Variants in NRG1 observed in about 807,000 individuals in gnomAD.
The protein encoded by NRG1 is neuregulin 1.
NRG1 carries 18 observed loss-of-function variants against 63.8 expected under a neutral mutation model. The ratio of observed to expected loss-of-function variants is 0.28; its 90% CI spans 0.19 to 0.42. The LOEUF (loss-of-function observed/expected upper bound fraction) is 0.42, where lower values mean the gene tolerates loss of function less well. Among genes scored for constraint, NRG1 ranks in the 10% least tolerant of loss-of-function variants. The pLI is 1.00. For missense variants in NRG1, 762 were observed against 814.7 expected (o/e 0.94, Z 0.79); for synonymous variants, 302 against 301.3 (o/e 1.00, Z -0.02).
intron 1 of NRG1, among the ~76,000 whole-genome samples, chr8:31,883,285 T>A (rs1830487703): frequency 6.6e-6 from 1 of 152,124 alleles, no homozygotes; most frequent in Non-Finnish European, 1.5e-5. Flanking sequence ...ATTTACAAAT[T>A]AAGGTATGTA....
At chr8:32,067,174 C>A (rs1181342304) in intron 1 of NRG1, among the ~76,000 whole-genome samples, 7 of 152,134 alleles carry the variant, frequency 4.6e-5, no homozygotes. Context: ...ATTGAATACC[C>A]TTTATTTCCT....
At chr8:32,286,225 G>C (rs1853501866) in intron 1 of NRG1, among the ~76,000 whole-genome samples, 1 of 152,194 alleles carries the variant, frequency 6.6e-6, no homozygotes, top group African/African-American at 2.4e-5. Context: ...AAATTAAGTG[G>C]TTTGAAATAA....
intron 6 of NRG1, among the ~76,000 whole-genome samples, chr8:32,732,414 A>T (rs1823907186): frequency 6.6e-6 from 1 of 152,044 alleles, no homozygotes; most frequent in African/African-American, 2.4e-5. Flanking sequence ...GAAGATGTTG[A>T]TGTGATTTTT....
chr8:32,660,148 A>G (rs1029960252), intron 5 of NRG1, among the ~76,000 whole-genome samples: 1 of 152,116 alleles, frequency 6.6e-6, no homozygotes, highest in African/African-American at 2.4e-5. Context: ...AAAATCCAAA[A>G]CTTTTTGAGC....
At chr8:32,566,655 T>C (rs181072441) in intron 1 of NRG1, among the ~76,000 whole-genome samples, 1,690 of 152,298 alleles carry the variant, frequency 0.011, 19 homozygotes, top group Non-Finnish European at 0.017. Context: ...TAAGGTGATG[T>C]TTATTATATT....
intron 5 of NRG1, among the ~76,000 whole-genome samples, chr8:32,711,828 C>G (rs1223836208): frequency 1.3e-5 from 2 of 152,072 alleles, no homozygotes; most frequent in South Asian, 4.1e-4. Context: ...ATGTTTTACT[C>G]TCAGCTGTAT....
chr8:31,992,600 A>G lies in NRG1; in HGVS notation c.37+353169A>G, dbSNP rs544648278. Reference sequence around the variant, plus strand: ...CTGACTCCTACTTAAAATTAATTCGACTAGAAAGACTCATCTTTTTCTGAA... The same window carrying G: ...CTGACTCCTACTTAAAATTAATTCGGCTAGAAAGACTCATCTTTTTCTGAA... On this transcript the variant is annotated intron_variant, in intron 1 of 10. Coordinates refer to the NRG1 transcript ENST00000519301. 1.2e-4 allele frequency among the ~76,000 whole-genome samples: 18 copies of G among 152,170 alleles called. No individual in the cohort carries two copies. The South Asian group carries it at 3.7e-3, about 32-fold the overall frequency.
chr8:31,640,463 A>G lies in NRG1; in HGVS notation c.37+1032A>G, dbSNP rs1247254437. 4 of 1,581,692 alleles carry G rather than the reference A, an allele frequency of 2.5e-6. No individual in the cohort carries two copies. Among genetic ancestry groups the G allele is most frequent in the Admixed American group, 3.5e-5 (2 of 57,200 alleles). The stretch of plus-strand genomic sequence containing the variant: ...GGCGAGCCCGGGGAGGAGGCGCCCT[A>G]TCTGGTGAAGGTGCACCAGGTGTGG... On this transcript the variant is annotated intron_variant, in intron 1 of 10. Transcript: ENST00000519301. This position sits in a 1 kb window ranked among gnomAD's most constrained non-coding sequence, Gnocchi z 6.3.
chr8:32,412,423 CATATATATATATATATATATATATAT>C (rs1178545836), intron 1 of NRG1, among the ~76,000 whole-genome samples: 1 of 93,022 alleles, frequency 1.1e-5, no homozygotes, highest in Non-Finnish European at 2.1e-5. Flanking sequence ...TCTCTCTCTA[CATATATATATATATATATATATATAT>C]ATACATATAT....
intron 1 of NRG1, among the ~76,000 whole-genome samples, chr8:32,096,236 G>A (rs1238441167): frequency 6.6e-6 from 1 of 152,210 alleles, no homozygotes; most frequent in Non-Finnish European, 1.5e-5. Context: ...TACAATGGTT[G>A]TTCTGTAAGA....
At chr8:31,797,891 G>A (rs1466161926) in intron 1 of NRG1, among the ~76,000 whole-genome samples, 2 of 152,228 alleles carry the variant, frequency 1.3e-5, no homozygotes, top group African/African-American at 4.8e-5. Context: ...CAATATGGAT[G>A]AGTCTGGAGG....
intron 1 of NRG1, among the ~76,000 whole-genome samples, chr8:32,259,898 C>G (rs1437956330): frequency 1.3e-5 from 2 of 152,126 alleles, no homozygotes; most frequent in Non-Finnish European, 2.9e-5. Flanking sequence ...CAGCTTTATA[C>G]AAGAGTTATA....
Position 31,852,452 on chromosome 8 carries a change from G to A in NRG1, c.37+213021G>A, listed in dbSNP as rs186114084. 2.9e-4 allele frequency among the ~76,000 whole-genome samples: 44 copies of A among 152,176 alleles called. 1 individual carries two copies. In the East Asian group the frequency reaches 8.5e-3, roughly 29 times the overall value. Reference sequence around the variant, plus strand: ...ACGTCCTACGCCCACTTCTTGATGGGGTTGTTTGTTTTTTTCTTGTAAATT... The same window carrying A: ...ACGTCCTACGCCCACTTCTTGATGGAGTTGTTTGTTTTTTTCTTGTAAATT... On this transcript the variant is annotated intron_variant, in intron 1 of 10. Transcript: ENST00000519301.
intron 1 of NRG1, among the ~76,000 whole-genome samples, chr8:31,825,686 AAG>A (rs1382364054): frequency 2.0e-5 from 3 of 152,110 alleles, no homozygotes; most frequent in African/African-American, 7.2e-5. Context: ...AGGAGAGAGA[AAG>A]AACAAAGCTT....
chr8:31,852,928 T>C (rs1373275878), intron 1 of NRG1, among the ~76,000 whole-genome samples: 2 of 152,042 alleles, frequency 1.3e-5, no homozygotes, highest in Non-Finnish European at 2.9e-5. Flanking sequence ...TGTAGATATG[T>C]GGCGTTATTT....
chr8:32,185,887 A>C (rs764777703), intron 1 of NRG1, among the ~76,000 whole-genome samples: 2 of 152,226 alleles, frequency 1.3e-5, no homozygotes, highest in Non-Finnish European at 2.9e-5. Context: ...GTTTAATTGT[A>C]TGCCATCCTG....
intron 1 of NRG1, among the ~76,000 whole-genome samples, chr8:32,467,362 T>A (rs1823199951): frequency 6.6e-6 from 1 of 152,118 alleles, no homozygotes; most frequent in Admixed American, 6.5e-5. Flanking sequence ...GGAGCCCCCA[T>A]GAAAGTGTGC....
At chr8:32,506,077 C>G (rs1351135202) in intron 1 of NRG1, among the ~76,000 whole-genome samples, 1 of 151,996 alleles carries the variant, frequency 6.6e-6, no homozygotes, top group Non-Finnish European at 1.5e-5. Context: ...TAGCAAGACC[C>G]TGTCTCTAAA....
intron 1 of NRG1, among the ~76,000 whole-genome samples, chr8:31,787,091 G>A (rs1275959091): frequency 6.6e-6 from 1 of 152,146 alleles, no homozygotes; most frequent in Non-Finnish European, 1.5e-5. Context: ...ACATAGTTTG[G>A]AGGCTCCACT....
Sources: gnomAD v4.1 joint callset for allele counts (sites outside exome capture counted in the v4.1 genomes callset) on GRCh38, gnomAD v4.1.1 for gene constraint, Gnocchi (gnomAD v3.1) non-coding constraint, MANE v1.5 for transcripts, NCBI Gene and HGNC (gene_info 2026-07-23, HGNC 2026-07-21) for gene names.